The following ADGB variants were observed in gnomAD, a reference collection of about 807,000 sequenced individuals.
ADGB encodes androglobin.
In ADGB, 172 loss-of-function variants were observed where a neutral mutation model predicts 210.5. The ratio of observed to expected loss-of-function variants is 0.82; its 90% CI spans 0.72 to 0.93. ADGB has a LOEUF of 0.93. Ranked by LOEUF, ADGB falls within the 40% of genes least tolerant of loss-of-function variation. ADGB has a pLI of 0.00. For missense variants in ADGB, 2,025 were observed against 1,964.8 expected (o/e 1.03, Z -0.58); for synonymous variants, 658 against 662.7 (o/e 0.99, Z 0.11).
intron 12 of ADGB, among the ~76,000 whole-genome samples, chr6:146,696,464 A>C (rs754129544): frequency 3.3e-5 from 5 of 149,950 alleles, no homozygotes; most frequent in Non-Finnish European, 7.4e-5. Context: ...TAAAAAAATA[A>C]ATTAAATGAG....
chr6:146,616,945 T>C (rs1446121994), intron 1 of ADGB, among the ~76,000 whole-genome samples: 1 of 152,132 alleles, frequency 6.6e-6, no homozygotes, highest in Non-Finnish European at 1.5e-5. Flanking sequence ...TGGGGCTCCA[T>C]ACAAATTTTA....
At chr6:146,756,434 C>T (rs1007900309) in intron 27 of ADGB, among the ~76,000 whole-genome samples, 1 of 152,034 alleles carries the variant, frequency 6.6e-6, no homozygotes, top group Non-Finnish European at 1.5e-5. Flanking sequence ...AGGCTGTGAC[C>T]TTAATCAAGA....
intron 16 of ADGB, among the ~76,000 whole-genome samples, chr6:146,718,164 T>C (rs147328926): frequency 1.6e-4 from 25 of 152,010 alleles, no homozygotes; most frequent in Non-Finnish European, 3.1e-4. Context: ...CTGACCAACA[T>C]GGTGAAACCC....
chr6:146,752,670 C>A lies in ADGB; in HGVS notation c.3506C>A (p.Pro1169Gln), dbSNP rs1777341536. 1 of 1,550,700 alleles carries A rather than the reference C, an allele frequency of 6.4e-7. No individual in the cohort carries two copies. The highest frequency in any genetic ancestry group is 8.7e-7 in the Non-Finnish European group (1 of 1,146,346). Residue 1169 changes from proline (P) to glutamine (Q), a missense_variant, in exon 27 of 36, where the codon CCA (proline) becomes CAA (glutamine). Transcript: ENST00000397944. ...SSTGKGQAII[P>Q]AFHFLKSEKG... Reference sequence around the variant, plus strand: ...ACTGGAAAAGGCCAAGCTATAATCCCAGCATTTCACTTCTTGAAGAGTGAG... The same window carrying A: ...ACTGGAAAAGGCCAAGCTATAATCCAAGCATTTCACTTCTTGAAGAGTGAG...
intron 10 of ADGB, among the ~76,000 whole-genome samples, chr6:146,688,852 G>T (rs918923091): frequency 1.3e-5 from 2 of 152,076 alleles, no homozygotes; most frequent in Non-Finnish European, 2.9e-5. Flanking sequence ...GGAGTACATT[G>T]CTAAAAGTTA....
At chr6:146,803,131 C>A in intron 35 of ADGB, 5 of 1,484,960 alleles carry the variant, frequency 3.4e-6, no homozygotes, top group Non-Finnish European at 4.7e-6. Context: ...CAATCTACCA[C>A]AACGCCAAGA....
In ADGB at chr6:146,811,247, AC is replaced by A. The variant is rs1778298006; in HGVS notation, c.4819-3784del. ...AATATTTTATATACTGGTTTGTTTT[AC>A]AAAATGGCATTTTTTAAAGCATAAT... is the stretch of plus-strand genomic sequence containing the variant. On this transcript the variant is annotated intron_variant, in intron 35 of 35. Coordinates refer to ENST00000397944, the MANE Select transcript of ADGB (RefSeq NM_024694.4). Among the ~76,000 whole-genome samples the A allele has an allele frequency of 3.3e-5, 5 of 152,238 alleles. No individual in the cohort carries two copies. In the South Asian group the frequency reaches 8.3e-4, roughly 25 times the overall value.
At chr6:146,687,816 G>T (rs549762767) in intron 10 of ADGB, among the ~76,000 whole-genome samples, 15 of 152,162 alleles carry the variant, frequency 9.9e-5, no homozygotes, top group African/African-American at 3.6e-4. Flanking sequence ...GCTTTATGGA[G>T]TGCCATAGTC....
chr6:146,784,395 C>T (rs1033465147), intron 30 of ADGB, among the ~76,000 whole-genome samples: 1 of 152,208 alleles, frequency 6.6e-6, no homozygotes, highest in African/African-American at 2.4e-5. Context: ...GACTATATTA[C>T]AATTTGTTTA....
Position 146,734,019 on chromosome 6 carries a change from C to T in ADGB, c.2783C>T (p.Ala928Val). The T allele has an allele frequency of 6.4e-7, 1 of 1,551,094 alleles. No individual in the cohort carries two copies. Among genetic ancestry groups the T allele is most frequent in the Non-Finnish European group, 8.7e-7 (1 of 1,146,760 alleles). ...RGTYVRLLMK[A>V]RIPDTKENIS... ...ACTTACGTTAGATTGCTTATGAAAG[C>T]CAGAATACCAGGTATGATTGTCCAA... is the stretch of plus-strand genomic sequence containing the variant. Residue 928 changes from alanine to valine, a missense_variant, in exon 22 of 36, where the codon GCC (alanine) becomes GTC (valine). Coordinates refer to ENST00000397944, the MANE Select transcript of ADGB (RefSeq NM_024694.4).
chr6:146,803,822 C>T (rs564100657), intron 35 of ADGB: 1 of 467,214 alleles, frequency 2.1e-6, no homozygotes. Context: ...CCGAGTCCCA[C>T]TCAGGGCCAT....
Position 146,664,130 on chromosome 6 carries a change from C to T in ADGB, c.613-71C>T, listed in dbSNP as rs942508117. On this transcript the variant is annotated intron_variant, in intron 5 of 35. Coordinates refer to ENST00000397944, the MANE Select transcript of ADGB (RefSeq NM_024694.4). Reference sequence around the variant, plus strand: ...AAACGGTAAATAGTAATGTCAGCCACGTGCAATCATTTACGAGAGAAAAGA... The same window carrying T: ...AAACGGTAAATAGTAATGTCAGCCATGTGCAATCATTTACGAGAGAAAAGA... 1.5e-5 allele frequency: 21 copies of T among 1,383,362 alleles called. No individual in the cohort carries two copies. In the Admixed American group the frequency reaches 1.6e-4, roughly 11 times the overall value. 85.7% of individuals were successfully genotyped at this position (1,383,362 alleles called of 1,614,324 possible).
intron 23 of ADGB, among the ~76,000 whole-genome samples, chr6:146,738,847 G>A (rs1777119590): frequency 6.6e-6 from 1 of 152,078 alleles, no homozygotes; most frequent in Admixed American, 6.5e-5. Context: ...TCTGCATTGT[G>A]GGGCCTATCA....
intron 29 of ADGB, among the ~76,000 whole-genome samples, chr6:146,781,199 C>T (rs553074832): frequency 7.3e-6 from 1 of 137,558 alleles, no homozygotes; most frequent in East Asian, 2.1e-4. Flanking sequence ...AAAAATTAGC[C>T]GGGCGTGGTG....
At chr6:146,743,630 A>G (rs905088302) in intron 25 of ADGB, among the ~76,000 whole-genome samples, 5 of 152,118 alleles carry the variant, frequency 3.3e-5, no homozygotes, top group Admixed American at 1.3e-4. Context: ...AAAAAAAGTT[A>G]AGGCCGGGCG....
intron 26 of ADGB, among the ~76,000 whole-genome samples, chr6:146,750,584 G>A (rs1399089022): frequency 4.6e-5 from 7 of 151,868 alleles, no homozygotes; most frequent in Non-Finnish European, 4.4e-5. Flanking sequence ...TTTTAGTGTC[G>A]TCATATATAT....
At chr6:146,790,816 C>T (rs1032820635) in intron 33 of ADGB, among the ~76,000 whole-genome samples, 2 of 152,150 alleles carry the variant, frequency 1.3e-5, no homozygotes, top group African/African-American at 4.8e-5. Flanking sequence ...CAAAGTGTAC[C>T]TGAGTTCCCT....
At position 146,733,973 on chromosome 6, in the gene ADGB, A is replaced by G. The variant is rs558724676; in HGVS notation, c.2737A>G (p.Ile913Val). The G allele has an allele frequency of 3.9e-6, 6 of 1,551,704 alleles. No homozygotes were observed. The African/African-American group carries it at 8.2e-5, about 21-fold the overall frequency. The part of the protein sequence containing the change: ...SAEEVAAAIK[I>V]QAMWRGTYVR... ...TGAGGAAGTAGCAGCAGCAATTAAA[A>G]TTCAAGCCATGTGGAGAGGAACTTA... Residue 913 changes from isoleucine (I) to valine (V), a missense_variant, in exon 22 of 36, where the codon ATT becomes GTT. Physicochemically the swap from Ile to Val is conservative, Grantham distance 29. Coordinates refer to ENST00000397944, the MANE Select transcript of ADGB (RefSeq NM_024694.4).
chr6:146,653,792 T>C (rs1284315344), intron 3 of ADGB, among the ~76,000 whole-genome samples: 1 of 152,184 alleles, frequency 6.6e-6, no homozygotes, highest in Non-Finnish European at 1.5e-5. Context: ...TTTACTCCTA[T>C]AGTAAAATAC....
Sources: gnomAD v4.1 joint callset for allele counts (sites outside exome capture counted in the v4.1 genomes callset) on GRCh38, gnomAD v4.1.1 for gene constraint, MANE v1.5 for transcripts, NCBI Gene and HGNC (gene_info 2026-07-23, HGNC 2026-07-21) for gene names.